Variants in KIAA0319L observed in about 807,000 individuals in gnomAD.
The protein encoded by KIAA0319L is KIAA0319 like.
Under a neutral mutation model 120.1 loss-of-function variants are expected in KIAA0319L, and 55 were observed. That is an observed-to-expected ratio of 0.46 (90% CI 0.37 to 0.57). The LOEUF is 0.57. KIAA0319L is among the 20% of genes least tolerant of loss of function. The probability of loss-of-function intolerance (pLI) is 0.00; values close to 1 mark genes in which losing one functional copy is unlikely to be tolerated. For synonymous variants in KIAA0319L, 398 were observed against 471.9 expected, an observed-to-expected ratio of 0.84 and a Z score of 2.03; for missense variants, 1,049 against 1,255.3, an observed-to-expected ratio of 0.84 and a Z score of 2.48.
intron 9 of KIAA0319L, among the ~76,000 whole-genome samples, chr1:35,457,578 G>A (rs577626463): frequency 6.6e-6 from 1 of 152,048 alleles, no homozygotes; most frequent in African/African-American, 2.4e-5. Flanking sequence ...ATGCCTTCCA[G>A]CTGAACAGCC....
chr1:35,501,927 A>C (rs887612011), intron 3 of KIAA0319L, among the ~76,000 whole-genome samples: 7 of 151,012 alleles, frequency 4.6e-5, no homozygotes, highest in African/African-American at 1.7e-4. Context: ...CAGCCTGCTT[A>C]GGTTCAAGTC....
At chr1:35,524,603 G>T (rs1646048507) in intron 2 of KIAA0319L, among the ~76,000 whole-genome samples, 1 of 152,188 alleles carries the variant, frequency 6.6e-6, no homozygotes, top group Non-Finnish European at 1.5e-5. Context: ...TACTGGGTGA[G>T]ATCTCTGACT....
At chr1:35,468,829 T>G (rs1223861250) in intron 6 of KIAA0319L, among the ~76,000 whole-genome samples, 1 of 152,230 alleles carries the variant, frequency 6.6e-6, no homozygotes, top group African/African-American at 2.4e-5. Flanking sequence ...CCTTTAGAGA[T>G]GGAAAGCTCC....
intron 3 of KIAA0319L, among the ~76,000 whole-genome samples, chr1:35,494,554 G>A (rs191740431): frequency 6.6e-6 from 1 of 152,106 alleles, no homozygotes; most frequent in African/African-American, 2.4e-5. Flanking sequence ...CAGCAGCTTG[G>A]GAGGCTGAGG....
At chr1:35,515,583 G>T (rs1324089463) in intron 2 of KIAA0319L, among the ~76,000 whole-genome samples, 1 of 152,116 alleles carries the variant, frequency 6.6e-6, no homozygotes, top group South Asian at 2.1e-4. Context: ...GAAATTCATA[G>T]CACTAAATAC....
intron 4 of KIAA0319L, among the ~76,000 whole-genome samples, chr1:35,477,789 G>A (rs886170351): frequency 5.3e-5 from 8 of 151,880 alleles, no homozygotes; most frequent in African/African-American, 1.5e-4. Context: ...GGGAACCCTC[G>A]TACACTATTG....
At chr1:35,477,666 C>CAAAAA (rs34588440) in intron 4 of KIAA0319L, among the ~76,000 whole-genome samples, 1 of 55,678 alleles carries the variant, frequency 1.8e-5, no homozygotes, top group African/African-American at 5.2e-5. Flanking sequence ...GACTCTGTCT[C>CAAAAA]AAAAAAAAAA....
Position 35,524,334 on chromosome 1 carries a change from T to C in KIAA0319L, c.143-17199A>G, listed in dbSNP as rs75991256. ...CTGAAAATGCCTTCTTTTGTGTCCA[T>C]GGTTCCCTCAAGAATGTCACATAAG... On this transcript the variant is annotated intron_variant, in intron 2 of 20. Transcript: ENST00000325722. 7.2e-5 allele frequency among the ~76,000 whole-genome samples: 11 copies of C among 152,320 alleles called. No individual in the cohort carries two copies. The East Asian group carries it at 1.5e-3, about 21-fold the overall frequency.
intron 3 of KIAA0319L, among the ~76,000 whole-genome samples, chr1:35,498,334 C>T (rs372231355): frequency 5.3e-4 from 77 of 146,444 alleles, no homozygotes; most frequent in South Asian, 1.9e-3. Flanking sequence ...ACTCCCATCT[C>T]GGGAAAAAAA....
intron 8 of KIAA0319L, among the ~76,000 whole-genome samples, chr1:35,461,063 TTGAC>T (rs1642856976): frequency 1.3e-5 from 2 of 152,164 alleles, no homozygotes; most frequent in African/African-American, 2.4e-5. Context: ...TCAATAGAGA[TTGAC>T]TGAAAACAAG....
rs186688287 is a variant in KIAA0319L at position 35,481,502 on chromosome 1, G to A, written c.667-2290C>T. ...AGTGGTTATAAAGTAATATATCACT[G>A]ATGACTTTCCTGATGACTAATAATA... is the stretch of plus-strand genomic sequence containing the variant. On this transcript the variant is annotated intron_variant, in intron 3 of 20. Coordinates refer to ENST00000325722, the MANE Select transcript of KIAA0319L (RefSeq NM_024874.5). Among the ~76,000 whole-genome samples the A allele has an allele frequency of 5.3e-5, 8 of 152,134 alleles. No individual in the cohort carries two copies. The East Asian group carries it at 1.5e-3, about 29-fold the overall frequency.
intron 3 of KIAA0319L, among the ~76,000 whole-genome samples, chr1:35,499,326 A>G (rs533260000): frequency 6.6e-6 from 1 of 152,324 alleles, no homozygotes; most frequent in South Asian, 2.1e-4. Context: ...TAATTAGGTC[A>G]TGAAGTTGGA....
At chr1:35,526,442 T>G (rs1230797204) in intron 2 of KIAA0319L, among the ~76,000 whole-genome samples, 1 of 146,290 alleles carries the variant, frequency 6.8e-6, no homozygotes, top group Non-Finnish European at 1.5e-5. Context: ...TATATATATA[T>G]ATATATATTT....
At chr1:35,554,757 C>G (rs1377025239) in intron 1 of KIAA0319L, 1 of 217,876 alleles carries the variant, frequency 4.6e-6, no homozygotes, top group East Asian at 8.8e-5. Context: ...CTTTATATTC[C>G]TTTTTTTTTT....
At chr1:35,553,353 T>TAAA (rs771119609) in intron 2 of KIAA0319L, among the ~76,000 whole-genome samples, 100 of 136,940 alleles carry the variant, frequency 7.3e-4, no homozygotes, top group African/African-American at 5.3e-4. Flanking sequence ...TCATCTGGGG[T>TAAA]AAAAAAAAAA....
intron 2 of KIAA0319L, among the ~76,000 whole-genome samples, chr1:35,525,623 T>A (rs1008379526): frequency 4.6e-5 from 7 of 152,202 alleles, no homozygotes; most frequent in Non-Finnish European, 8.8e-5. Context: ...TTTTTTCACA[T>A]ATCTGTTAAT....
rs1052311338 is a variant in KIAA0319L at position 35,456,369 on chromosome 1, T to A, written c.1428-128A>T. 1.7e-5 allele frequency: 10 copies of A among 605,020 alleles called. No homozygotes were observed. In the African/African-American group the frequency reaches 1.8e-4, roughly 11 times the overall value. The allele number at this position is 605,020 out of a possible 1,614,324, so 37.5% of individuals were successfully genotyped here. A position where few individuals can be genotyped will look rare whatever the true frequency, so the allele number is the denominator to read the frequency against. On this transcript the variant is annotated intron_variant, in intron 9 of 20. Coordinates refer to ENST00000325722, the MANE Select transcript of KIAA0319L (RefSeq NM_024874.5). ...GGTTACCTATTCTTACCCACTTCTA[T>A]TGGAGAAGCAGAAAGTACTACTAGA...
At position 35,471,034 on chromosome 1, in the gene KIAA0319L, A is replaced by G. The variant is rs755038543; in HGVS notation, c.1016-74T>C. ...AAGAGGACAGCCACATAGCCTGCCAATAACAAATCTCTTCTGATCTTGACA... is the reference window on the plus strand; with the variant it reads ...AAGAGGACAGCCACATAGCCTGCCAGTAACAAATCTCTTCTGATCTTGACA... On this transcript the variant is annotated intron_variant, in intron 5 of 20. Transcript: ENST00000325722. The G allele has an allele frequency of 2.6e-5, 22 of 858,008 alleles. No individual in the cohort carries two copies. In the East Asian group the frequency reaches 3.6e-4, roughly 14 times the overall value. 53.1% of individuals were successfully genotyped at this position (858,008 alleles called of 1,614,324 possible). A position where few individuals can be genotyped will look rare whatever the true frequency, so the allele number is the denominator to read the frequency against.
chr1:35,435,400 A>G (rs1291234095), intron 20 of KIAA0319L: 1 of 237,566 alleles, frequency 4.2e-6, no homozygotes, highest in Non-Finnish European at 8.0e-6. Context: ...CAAATTTGGA[A>G]TATTTTATCA....
Sources: allele counts gnomAD v4.1 joint callset (sites outside exome capture counted in the v4.1 genomes callset), GRCh38; gene constraint gnomAD v4.1.1; transcripts MANE v1.5; gene names NCBI Gene and HGNC (gene_info 2026-07-23, HGNC 2026-07-21).